The following RNF17 variants were observed in gnomAD, a reference collection of about 807,000 sequenced individuals.
RNF17 encodes the protein spermatogenesis associated 23.
RNF17 carries 31 observed loss-of-function variants against 200.5 expected under a neutral mutation model. The ratio of observed to expected loss-of-function variants is 0.15; its 90% CI spans 0.12 to 0.21. The LOEUF (loss-of-function observed/expected upper bound fraction) is 0.21, where lower values mean the gene tolerates loss of function less well. Among genes scored for constraint, RNF17 ranks in the 10% least tolerant of loss-of-function variants. The probability of loss-of-function intolerance (pLI) is 1.00; values close to 1 mark genes in which losing one functional copy is unlikely to be tolerated. For synonymous variants in RNF17, 606 were observed against 637.8 expected, an observed-to-expected ratio of 0.95 and a Z score of 0.75; for missense variants, 1,628 against 1,905.1, an observed-to-expected ratio of 0.85 and a Z score of 2.71.
chr13:24,886,747 A>G, the RNF17 span, among the ~76,000 whole-genome samples: 3 of 152,222 alleles, frequency 2.0e-5, no homozygotes, highest in Non-Finnish European at 2.9e-5. Flanking sequence ...CCTTTAGAGA[A>G]AAGACTAGAA....
Position 24,793,358 on chromosome 13 carries a change from T to A in RNF17, c.1240+12T>A. On this transcript the variant is annotated intron_variant, in intron 10 of 35. Transcript: ENST00000255324. ...AGACAACGTGGAAAGTAAGTTAAAA[T>A]GTAAAAGCAGAGGGGAAAGATCTTG... 1 of 1,570,530 alleles carries A rather than the reference T, an allele frequency of 6.4e-7. No homozygotes were observed. Among genetic ancestry groups the A allele is most frequent in the Non-Finnish European group, 8.6e-7 (1 of 1,163,020 alleles).
chr13:24,803,339 C>T (rs73162037), intron 14 of RNF17, among the ~76,000 whole-genome samples: 7,543 of 152,220 alleles, frequency 0.05, 238 homozygotes, highest in Non-Finnish European at 0.071. Flanking sequence ...ATCCCATCAC[C>T]CAGGCTAGAG....
chr13:24,767,444 C>T, intron 2 of RNF17, 78 bp downstream of exon 2: 1 of 1,031,808 alleles, frequency 9.7e-7, no homozygotes, highest in Non-Finnish European at 1.5e-6. Context: ...GTAAAACGTA[C>T]TTCTAGTTAG....
intron 12 of RNF17, 93 bp downstream of exon 12, chr13:24,799,677 G>A (rs1885006296): frequency 1.3e-6 from 1 of 746,198 alleles, no homozygotes; most frequent in Non-Finnish European, 2.2e-6. Flanking sequence ...AGGTAGAGAG[G>A]AGTAATTTGT....
At chr13:24,792,619 T>C (rs1205317924) in intron 9 of RNF17, among the ~76,000 whole-genome samples, 4 of 152,214 alleles carry the variant, frequency 2.6e-5, no homozygotes, top group Non-Finnish European at 5.9e-5. Flanking sequence ...CTTCAACATA[T>C]ATCAATTTTA....
chr13:24,859,077 G>GA lies in RNF17; in HGVS notation c.3693dup (p.Gly1232ArgfsTer37). On this transcript the variant is annotated frameshift_variant, in exon 26 of 36. Transcript: ENST00000255324. LOFTEE classifies it high-confidence loss of function. ...TTGGTCTTTTGGAGCCTTATTTCTG[G>GA]AAAAAAGGAGAAGCATGTGCAGTAA... 6.2e-7 allele frequency: 1 copy of GA among 1,612,102 alleles called. No individual in the cohort carries two copies. Among genetic ancestry groups the GA allele is most frequent in the Non-Finnish European group, 8.5e-7 (1 of 1,178,644 alleles).
chr13:24,783,964 A>G (rs1464703591), intron 6 of RNF17, among the ~76,000 whole-genome samples: 2 of 152,200 alleles, frequency 1.3e-5, no homozygotes, highest in Non-Finnish European at 2.9e-5. Context: ...GTTATAAGAA[A>G]AGCTTTCAGT....
At chr13:24,765,458 A>C (rs1277093688) in intron 1 of RNF17, among the ~76,000 whole-genome samples, 2 of 152,230 alleles carry the variant, frequency 1.3e-5, no homozygotes, top group Non-Finnish European at 2.9e-5. Context: ...AGTTAAGGTC[A>C]TTCGATCAGT....
intron 18 of RNF17, among the ~76,000 whole-genome samples, chr13:24,832,923 T>A (rs1889575348): frequency 6.6e-6 from 1 of 152,186 alleles, no homozygotes; most frequent in Non-Finnish European, 1.5e-5. Context: ...TTTAAATTTT[T>A]TTTGTAGAGA....
At chr13:24,794,841 C>T (rs559751929) in intron 10 of RNF17, among the ~76,000 whole-genome samples, 6 of 152,272 alleles carry the variant, frequency 3.9e-5, no homozygotes, top group South Asian at 4.1e-4. Flanking sequence ...CCTCAGCCTC[C>T]GGAGTAGCTG....
chr13:24,846,250 G>T (rs138704616), intron 22 of RNF17, among the ~76,000 whole-genome samples: 1 of 152,302 alleles, frequency 6.6e-6, no homozygotes, highest in African/African-American at 2.4e-5. Flanking sequence ...TACAGTTTAT[G>T]AGCTAAATCG....
At chr13:24,777,593 T>G (rs911536684) in intron 3 of RNF17, among the ~76,000 whole-genome samples, 1 of 152,226 alleles carries the variant, frequency 6.6e-6, no homozygotes, top group African/African-American at 2.4e-5. Context: ...TTAAATTCAT[T>G]ACCTTTTTTT....
At chr13:24,808,933 A>G (rs1393710035) in intron 15 of RNF17, among the ~76,000 whole-genome samples, 1 of 145,650 alleles carries the variant, frequency 6.9e-6, no homozygotes, top group Non-Finnish European at 1.5e-5. Flanking sequence ...TTCTGTTTAT[A>G]TGCTGGATTA....
chr13:24,840,551 A>G (rs974791712), intron 18 of RNF17, among the ~76,000 whole-genome samples: 1 of 152,230 alleles, frequency 6.6e-6, no homozygotes, highest in East Asian at 1.9e-4. Context: ...GTGAATATGA[A>G]TGATGGACTA....
chr13:24,748,065 C>T, the RNF17 span, among the ~76,000 whole-genome samples: 1 of 152,230 alleles, frequency 6.6e-6, no homozygotes, highest in Non-Finnish European at 1.5e-5. Context: ...CTCGCATCCG[C>T]ACTGATCCGA....
At chr13:24,766,744 T>C (rs573267625) in intron 1 of RNF17, among the ~76,000 whole-genome samples, 1 of 152,252 alleles carries the variant, frequency 6.6e-6, no homozygotes, top group African/African-American at 2.4e-5. Flanking sequence ...TCCAGCCCAC[T>C]TAACTGTGAT....
intron 15 of RNF17, among the ~76,000 whole-genome samples, chr13:24,812,712 C>T (rs137928532): frequency 0.13 from 16,025 of 124,700 alleles, 1,140 homozygotes; most frequent in Admixed American, 0.17. Flanking sequence ...GACGCAGTCT[C>T]GCTCTGTCGC....
chr13:24,852,746 A>C (rs1892078022), intron 24 of RNF17, among the ~76,000 whole-genome samples: 2 of 152,170 alleles, frequency 1.3e-5, no homozygotes, highest in South Asian at 4.1e-4. Flanking sequence ...AGAATGGAAA[A>C]TGCTAGGCAA....
Position 24,862,615 on chromosome 13 carries a change from ATAT to A in RNF17, c.3895-93_3895-91del. On this transcript the variant is annotated intron_variant, in intron 27 of 35. Coordinates refer to ENST00000255324, the MANE Select transcript of RNF17 (RefSeq NM_031277.3). ...CTTGTGTATTTTGTACTACTATCTG[ATAT>A]TATTTGTTTATGGCTACTTTTGTGT... 3 of 720,646 alleles carry A rather than the reference ATAT, an allele frequency of 4.2e-6. No homozygotes were observed. The South Asian group carries it at 4.7e-5, about 11-fold the overall frequency. The allele number at this position is 720,646 out of a possible 1,614,324, so 44.6% of individuals were successfully genotyped here. A position where few individuals can be genotyped will look rare whatever the true frequency, so the allele number is the denominator to read the frequency against.
Sources: gnomAD v4.1 joint callset for allele counts (sites outside exome capture counted in the v4.1 genomes callset) on GRCh38, gnomAD v4.1.1 for gene constraint, MANE v1.5 for transcripts, NCBI Gene and HGNC (gene_info 2026-07-23, HGNC 2026-07-21) for gene names.